The following DNAH2 variants were observed in gnomAD, a reference collection of about 807,000 sequenced individuals.
The protein encoded by DNAH2 is dynein axonemal heavy chain 2, also known as axonemal beta dynein heavy chain 2.
In DNAH2, 323 loss-of-function variants were observed where a neutral mutation model predicts 523.5. The ratio of observed to expected loss-of-function variants is 0.62; its 90% confidence interval spans 0.56 to 0.68. The LOEUF (loss-of-function observed/expected upper bound fraction) is 0.68, where lower values mean the gene tolerates loss of function less well. DNAH2 is among the 30% of genes least tolerant of loss of function. The pLI is 0.00. For synonymous variants in DNAH2, 2,093 were observed against 2,177.4 expected, an observed-to-expected ratio of 0.96 and a Z score of 1.08; for missense variants, 4,907 against 5,701.5, an observed-to-expected ratio of 0.86 and a Z score of 4.49.
intron 36 of DNAH2, among the ~76,000 whole-genome samples, chr17:7,779,805 G>A (rs940623378): frequency 6.6e-6 from 1 of 152,172 alleles, no homozygotes; most frequent in Non-Finnish European, 1.5e-5. Context: ...GGACAGCACA[G>A]GGATAGGAAA....
chr17:7,745,844 G>T (rs1200518321), intron 12 of DNAH2, among the ~76,000 whole-genome samples: 1 of 151,864 alleles, frequency 6.6e-6, no homozygotes, highest in East Asian at 1.9e-4. Flanking sequence ...TGTGAGCACT[G>T]GTTGGTGGCT....
rs569552800 is a variant in DNAH2, at chr17:7,764,226, G to C, written c.3289G>C (p.Glu1097Gln). 5 of 1,613,716 alleles carry C rather than the reference G, an allele frequency of 3.1e-6. No homozygotes were observed. In the Admixed American group the frequency reaches 8.3e-5, roughly 27 times the overall value. Reference sequence around the variant, plus strand: ...GGAGACTCAGATCCCTCCCATACACGAGCAATTTGCCATTCTTGAAAAGTA... The same window carrying C: ...GGAGACTCAGATCCCTCCCATACACCAGCAATTTGCCATTCTTGAAAAGTA... ...NVETQIPPIH[E>Q]QFAILEKYEV... Residue 1097 changes from glutamate to glutamine, a missense_variant, in exon 20 of 86, where the codon GAG becomes CAG. By Grantham distance (29) the Glu-to-Gln change is conservative (BLOSUM62 2). Coordinates refer to ENST00000572933, the MANE Select transcript of DNAH2 (RefSeq NM_020877.5).
chr17:7,768,109 G>C, intron 23 of DNAH2, 48 bp downstream of exon 23: 2 of 1,614,146 alleles, frequency 1.2e-6, no homozygotes, highest in Non-Finnish European at 1.7e-6. Context: ...TGGAGGATCT[G>C]GGTCTGTTCC....
chr17:7,807,351 G>A lies in DNAH2; in HGVS notation c.9612+32G>A, dbSNP rs773722564. Reference sequence around the variant, plus strand: ...GCGTCAGGGCTGGGGCGGGGCGGTAGGGAGGGCAGGCCTGGGGGAGTGCGG... The same window carrying A: ...GCGTCAGGGCTGGGGCGGGGCGGTAAGGAGGGCAGGCCTGGGGGAGTGCGG... On this transcript the variant is annotated intron_variant, in intron 62 of 85. Coordinates refer to ENST00000572933, the MANE Select transcript of DNAH2 (RefSeq NM_020877.5). The surrounding 1 kb of genome is among the most constrained non-coding windows in gnomAD (Gnocchi z 5.6). 6.2e-7 allele frequency: 1 copy of A among 1,605,672 alleles called. No homozygotes were observed. The highest frequency in any genetic ancestry group is 1.1e-5 in the South Asian group (1 of 90,654).
chr17:7,733,377 A>C, intron 5 of DNAH2, 62 bp downstream of exon 5: 1 of 1,542,288 alleles, frequency 6.5e-7, no homozygotes, highest in Non-Finnish European at 8.9e-7. Flanking sequence ...ACAACTAGTG[A>C]AGTGGTGGGT....
rs79109447 is a variant in DNAH2 at position 7,818,169 on chromosome 17, C to T, written c.10387+73C>T. On this transcript the variant is annotated intron_variant, in intron 68 of 85. Coordinates refer to ENST00000572933, the MANE Select transcript of DNAH2 (RefSeq NM_020877.5). ...AGGGCTGGCTCTCTGACTGTGTCCT[C>T]TTCTTACCTGTCCCTCCATTCAGAC... 3 of 1,600,934 alleles carry T rather than the reference C, an allele frequency of 1.9e-6. No homozygotes were observed. The African/African-American group carries it at 4.0e-5, about 21-fold the overall frequency.
Position 7,759,437 on chromosome 17 carries a change from A to T in DNAH2, c.2464A>T (p.Met822Leu), listed in dbSNP as rs951951982. 28 of 1,612,564 alleles carry T rather than the reference A, an allele frequency of 1.7e-5. No individual in the cohort carries two copies. The highest frequency in any genetic ancestry group is 2.4e-5 in the Non-Finnish European group (28 of 1,179,210). ...ATCCCATCAGATTCAGCAGCAGTGG[A>T]TGCTGTACATGATTCGGCTGGACCG... ...NDGPEIQQQWMLYMIRLDRMM... is the reference protein window; with the variant it reads ...NDGPEIQQQWLLYMIRLDRMM... The change falls in exon 16 of 86, where the codon ATG becomes TTG. Residue 822 changes from methionine to leucine, a missense_variant. Met to Leu is a conservative substitution (Grantham distance 15). This residue lies in a region of DNAH2 where 2,806 missense variants were observed against 3,190.8 expected (regional missense o/e 0.88). Transcript: ENST00000572933.
At chr17:7,741,864 T>A (rs1016806269) in intron 11 of DNAH2, among the ~76,000 whole-genome samples, 2 of 149,444 alleles carry the variant, frequency 1.3e-5, no homozygotes, top group Non-Finnish European at 3.0e-5. Flanking sequence ...GGTTTCTCCA[T>A]GTTGGTCAGG....
At position 7,786,916 on chromosome 17, in the gene DNAH2, G is replaced by T. The variant is rs1189150404; in HGVS notation, c.6486G>T (p.Lys2162Asn). The T allele has an allele frequency of 6.2e-7, 1 of 1,614,144 alleles. No homozygotes were observed. Among genetic ancestry groups the T allele is most frequent in the African/African-American group, 1.3e-5 (1 of 74,950 alleles). ...TACADEKPDE[K>N]WILFDGPVDT... ...ACTCAGATGAGAAACCCGACGAGAA[G>T]TGGATCCTGTTCGATGGCCCCGTGG... is the stretch of plus-strand genomic sequence containing the variant. Residue 2162 changes from lysine to asparagine, a missense_variant, in exon 42 of 86, where the codon AAG (lysine) becomes AAT (asparagine). Transcript: ENST00000572933. The surrounding 1 kb of genome is among the most constrained non-coding windows in gnomAD (Gnocchi z 7.5).
intron 2 of DNAH2, among the ~76,000 whole-genome samples, chr17:7,722,322 A>G (rs1166105393): frequency 1.3e-5 from 2 of 152,114 alleles, no homozygotes; most frequent in African/African-American, 2.4e-5. Flanking sequence ...AGCTTTTTAC[A>G]TTAAATTGAC....
At chr17:7,758,749 A>G (rs777433274) in intron 14 of DNAH2, 98 bp downstream of exon 14, 157 of 1,558,298 alleles carry the variant, frequency 1.0e-4, no homozygotes, top group Non-Finnish European at 1.2e-4. Context: ...GGTAGTGTAA[A>G]AAGAATTAAG....
Position 7,821,674 on chromosome 17 carries a change from T to C in DNAH2, c.11142+305T>C, listed in dbSNP as rs1339034881. Among the ~76,000 whole-genome samples, 2 of 152,158 alleles carry C rather than the reference T, an allele frequency of 1.3e-5. No homozygotes were observed. Among genetic ancestry groups the C allele is most frequent in the Non-Finnish European group, 2.9e-5 (2 of 68,022 alleles). ...CACTCCTTCCCCAGCCTGAGTTCCA[T>C]GGTCGCCCTCACAATCTCTCCCTCA... On this transcript the variant is annotated intron_variant, in intron 73 of 85. Coordinates refer to ENST00000572933, the MANE Select transcript of DNAH2 (RefSeq NM_020877.5). This position sits in a 1 kb window ranked among gnomAD's most constrained non-coding sequence, Gnocchi z 5.0.
intron 8 of DNAH2, among the ~76,000 whole-genome samples, chr17:7,739,507 C>G (rs1029163645): frequency 6.6e-6 from 1 of 152,188 alleles, no homozygotes; most frequent in Admixed American, 6.5e-5. Context: ...TGCCTCTTAT[C>G]GCTGCCCTAC....
At chr17:7,727,062 G>C (rs1213105474) in intron 3 of DNAH2, 60 bp from the exon 4 acceptor site, 8 of 1,473,438 alleles carry the variant, frequency 5.4e-6, no homozygotes, top group Non-Finnish European at 7.2e-6. Flanking sequence ...GATTGTGGAT[G>C]GGAGGAATGA....
rs549947152 is a variant in DNAH2, at chr17:7,756,327, G to T, written c.1905-764G>T. ...ATCTAGCTCTGTCACCCAGGCTGGA[G>T]GGCAGTGGTGCGATCTTGGCTCACT... On this transcript the variant is annotated intron_variant, in intron 12 of 85. Transcript: ENST00000572933. Among the ~76,000 whole-genome samples, 20 of 151,898 alleles carry T rather than the reference G, an allele frequency of 1.3e-4. No homozygotes were observed. In the South Asian group the frequency reaches 4.0e-3, roughly 30 times the overall value.
rs2077733953 is a variant in DNAH2 at position 7,818,073 on chromosome 17, T to C, written c.10364T>C (p.Leu3455Pro). 6.2e-7 allele frequency: 1 copy of C among 1,612,664 alleles called. No homozygotes were observed. The highest frequency in any genetic ancestry group is 8.5e-7 in the Non-Finnish European group (1 of 1,180,020). Residue 3455 changes from leucine to proline, a missense_variant, in exon 68 of 86, where the codon CTC becomes CCC. Physicochemically the swap from Leu to Pro is moderately conservative, Grantham distance 98. This residue lies in a region of DNAH2 where 1,851 missense variants were observed against 2,139.4 expected (regional missense o/e 0.87). Coordinates refer to ENST00000572933, the MANE Select transcript of DNAH2 (RefSeq NM_020877.5). Reference protein sequence around the residue: ...EYLDPTLNPMLNKSVARIGGR... With the variant: ...EYLDPTLNPMPNKSVARIGGR... ...CTGGACCCCACACTGAACCCCATGC[T>C]CAACAAATCTGTAGCCCGAATCGGT...
Position 7,821,901 on chromosome 17 carries a change from G to A in DNAH2, c.11142+532G>A, listed in dbSNP as rs978283209. 2.0e-5 allele frequency among the ~76,000 whole-genome samples: 3 copies of A among 152,076 alleles called. No individual in the cohort carries two copies. The highest frequency in any genetic ancestry group is 4.4e-5 in the Non-Finnish European group (3 of 68,008). ...CCTAAGGCTTCCAGACAACCATGCT[G>A]CACTCTCCCGCCCTCCTAGACATTT... On this transcript the variant is annotated intron_variant, in intron 73 of 85. Transcript: ENST00000572933. The surrounding 1 kb of genome is among the most constrained non-coding windows in gnomAD (Gnocchi z 5.0).
At chr17:7,727,410 G>A in intron 4 of DNAH2, 118 bp downstream of exon 4, 1 of 1,329,400 alleles carries the variant, frequency 7.5e-7, no homozygotes, top group Non-Finnish European at 1.0e-6. Context: ...GAGCCCCACT[G>A]TGTCAGGCAC....
chr17:7,816,799 CT>C, intron 64 of DNAH2, 64 bp downstream of exon 64: 1 of 1,575,078 alleles, frequency 6.3e-7, no homozygotes. Flanking sequence ...AGACCCATCC[CT>C]TTTAGCTTGA....
Sources: allele counts gnomAD v4.1 joint callset (sites outside exome capture counted in the v4.1 genomes callset), GRCh38; gene constraint gnomAD v4.1.1; regional missense constraint gnomAD v4.1.1; non-coding constraint Gnocchi (gnomAD v3.1); transcripts MANE v1.5; gene names NCBI Gene and HGNC (gene_info 2026-07-23, HGNC 2026-07-21).